Variants in CTNNA2 observed in about 807,000 individuals in gnomAD.
The protein encoded by CTNNA2 is catenin alpha 2.
In CTNNA2, 42 loss-of-function variants were observed where a neutral mutation model predicts 101.0. The ratio of observed to expected loss-of-function variants is 0.42; its 90% confidence interval spans 0.32 to 0.54. The LOEUF is 0.54. CTNNA2 is among the 20% of genes least tolerant of loss of function. CTNNA2 has a pLI of 0.14. For missense variants in CTNNA2, 871 were observed against 1,223.1 expected (o/e 0.71, Z 4.29); for synonymous variants, 450 against 456.4 (o/e 0.99, Z 0.18).
At chr2:80,468,374 T>C (rs1685024794) in intron 9 of CTNNA2, among the ~76,000 whole-genome samples, 1 of 152,184 alleles carries the variant, frequency 6.6e-6, no homozygotes, top group Non-Finnish European at 1.5e-5. Context: ...GAACACAGGC[T>C]ACAGAGATGG....
chr2:79,832,187 C>T (rs541283661), intron 3 of CTNNA2, among the ~76,000 whole-genome samples: 7 of 152,176 alleles, frequency 4.6e-5, no homozygotes, highest in African/African-American at 1.7e-4. Context: ...CGCCTATGGC[C>T]ATGTTCCATG....
At chr2:80,191,914 A>G (rs1706529498) in intron 7 of CTNNA2, among the ~76,000 whole-genome samples, 1 of 152,220 alleles carries the variant, frequency 6.6e-6, no homozygotes, top group Non-Finnish European at 1.5e-5. Flanking sequence ...AGGTTTAGAC[A>G]TAAAGCTAAG....
intron 7 of CTNNA2, among the ~76,000 whole-genome samples, chr2:79,993,268 T>C (rs1297150552): frequency 6.6e-6 from 1 of 152,196 alleles, no homozygotes; most frequent in Non-Finnish European, 1.5e-5. Flanking sequence ...TTAAACCTGC[T>C]CTGGAACTCC....
At chr2:79,684,453 C>T (rs1445522305) in intron 2 of CTNNA2, among the ~76,000 whole-genome samples, 2 of 152,004 alleles carry the variant, frequency 1.3e-5, no homozygotes, top group Non-Finnish European at 2.9e-5. Flanking sequence ...ATATGAATAA[C>T]GTGAATCAAA....
chr2:79,471,001 A>T (rs1404529136), intron 4 of CTNNA2, among the ~76,000 whole-genome samples: 2 of 152,238 alleles, frequency 1.3e-5, no homozygotes, highest in Non-Finnish European at 2.9e-5. Flanking sequence ...AAGAAAGGTC[A>T]AATGATATCA....
chr2:79,784,311 C>CAA (rs1674675191), intron 3 of CTNNA2, among the ~76,000 whole-genome samples: 1 of 151,906 alleles, frequency 6.6e-6, no homozygotes, highest in Non-Finnish European at 1.5e-5. Context: ...ACTCTAAAGG[C>CAA]CGTAGTTCCC....
intron 6 of CTNNA2, among the ~76,000 whole-genome samples, chr2:79,874,681 G>A (rs940164120): frequency 2.7e-4 from 41 of 152,288 alleles, no homozygotes; most frequent in African/African-American, 9.6e-4. Flanking sequence ...GGTGGCGCAT[G>A]CCTGTAATCC....
In CTNNA2 at chr2:79,955,407, G is replaced by A. The variant is rs190344101; in HGVS notation, c.1056+45610G>A. Among the ~76,000 whole-genome samples, 191 of 152,346 alleles carry A rather than the reference G, an allele frequency of 1.3e-3. 1 individual carries two copies. The highest frequency in any genetic ancestry group is 4.3e-3 in the African/African-American group (180 of 41,592). On this transcript the variant is annotated intron_variant, in intron 7 of 18. Coordinates refer to ENST00000402739, the MANE Select transcript of CTNNA2 (RefSeq NM_001282597.3). ...AGGATGACTTTATTTCTTTAAGTCT[G>A]ATGTGCTTCATGATACCCGTGTCCT... is the stretch of plus-strand genomic sequence containing the variant.
At chr2:79,856,229 A>G (rs994640142) in intron 3 of CTNNA2, among the ~76,000 whole-genome samples, 1 of 152,198 alleles carries the variant, frequency 6.6e-6, no homozygotes, top group Non-Finnish European at 1.5e-5. Context: ...AGTGCAATAT[A>G]TTTCCTTACA....
At chr2:80,352,115 GT>G (rs1673357771) in intron 7 of CTNNA2, among the ~76,000 whole-genome samples, 1 of 152,106 alleles carries the variant, frequency 6.6e-6, no homozygotes, top group Admixed American at 6.6e-5. Context: ...CAAGGGTTAT[GT>G]TTTTAATATT....
chr2:79,470,761 T>C (rs1670989147), intron 4 of CTNNA2, among the ~76,000 whole-genome samples: 1 of 152,222 alleles, frequency 6.6e-6, no homozygotes, highest in African/African-American at 2.4e-5. Context: ...GTTGCAGATA[T>C]TTCTTATTTT....
intron 7 of CTNNA2, among the ~76,000 whole-genome samples, chr2:79,937,102 T>A (rs1436610173): frequency 6.6e-6 from 1 of 152,216 alleles, no homozygotes; most frequent in Non-Finnish European, 1.5e-5. Context: ...AAACAAATAT[T>A]CATAAAAATT....
rs1159754794 is a variant in CTNNA2, at chr2:80,511,721, C to T, written c.1291-33261C>T. Among the ~76,000 whole-genome samples the T allele has an allele frequency of 5.3e-5, 8 of 152,154 alleles. No individual in the cohort carries two copies. The East Asian group carries it at 1.5e-3, about 29-fold the overall frequency. ...AGTACTGTAATACTACTAAAAATTA[C>T]AGAATTGTGTCCAAGGTCAAATTTA... On this transcript the variant is annotated intron_variant, in intron 9 of 18. Transcript: ENST00000402739.
intron 3 of CTNNA2, among the ~76,000 whole-genome samples, chr2:79,763,293 A>C (rs188202398): frequency 1.3e-5 from 2 of 152,248 alleles, no homozygotes; most frequent in Admixed American, 1.3e-4. Context: ...TTGTTGAATA[A>C]TTCAGCTTTA....
At chr2:80,379,121 A>G (rs751858427) in intron 7 of CTNNA2, among the ~76,000 whole-genome samples, 1 of 152,158 alleles carries the variant, frequency 6.6e-6, no homozygotes, top group African/African-American at 2.4e-5. Context: ...TTCTTAAAAT[A>G]TTAGGAAATC....
chr2:80,208,832 C>A (rs1483774215), intron 7 of CTNNA2, among the ~76,000 whole-genome samples: 1 of 152,146 alleles, frequency 6.6e-6, no homozygotes, highest in African/African-American at 2.4e-5. Context: ...AAAGCCATTT[C>A]TAATATTTGT....
intron 7 of CTNNA2, among the ~76,000 whole-genome samples, chr2:80,038,238 A>G (rs1695794763): frequency 6.6e-6 from 1 of 152,194 alleles, no homozygotes; most frequent in Admixed American, 6.5e-5. Context: ...CTTTGGAAGC[A>G]AACACTTTGC....
chr2:80,374,059 T>A lies in CTNNA2; in HGVS notation c.1057-19152T>A, dbSNP rs1389475413. On this transcript the variant is annotated intron_variant, in intron 7 of 18. Coordinates refer to ENST00000402739, the MANE Select transcript of CTNNA2 (RefSeq NM_001282597.3). Reference sequence around the variant, plus strand: ...CAAAATACCAAAGACTGGGAAACTTTAAAAAAAAAAAAGATTTCAACTCTT... The same window carrying A: ...CAAAATACCAAAGACTGGGAAACTTAAAAAAAAAAAAAGATTTCAACTCTT... Among the ~76,000 whole-genome samples the A allele has an allele frequency of 1.4e-4, 20 of 146,850 alleles. 1 individual carries two copies. The highest frequency in any genetic ancestry group is 1.1e-4 in the Non-Finnish European group (7 of 66,212).
chr2:79,265,121 A>C (rs1573005745), intron 2 of CTNNA2, among the ~76,000 whole-genome samples: 1 of 152,300 alleles, frequency 6.6e-6, no homozygotes, highest in East Asian at 1.9e-4. Context: ...TTTAGGAAAG[A>C]ATCACAATCA....
Sources: gnomAD v4.1 joint callset for allele counts (sites outside exome capture counted in the v4.1 genomes callset) on GRCh38, gnomAD v4.1.1 for gene constraint, MANE v1.5 for transcripts, NCBI Gene and HGNC (gene_info 2026-07-23, HGNC 2026-07-21) for gene names.